LRP1B: variants seen among roughly 807,000 people sequenced by gnomAD.
The protein encoded by LRP1B is low-density lipoprotein receptor-related protein 1B.
LRP1B carries 217 observed loss-of-function variants against 556.6 expected under a neutral mutation model. The observed-to-expected ratio is 0.39, with a 90% CI of 0.35 to 0.44. The LOEUF (loss-of-function observed/expected upper bound fraction) is 0.44. LRP1B is among the 20% of genes least tolerant of loss of function. LRP1B has a pLI of 1.00. For missense variants in LRP1B, 5,053 were observed against 5,620.8 expected, an observed-to-expected ratio of 0.90 and a Z score of 3.23; for synonymous variants, 2,047 against 1,865.8, an observed-to-expected ratio of 1.10 and a Z score of -2.50.
intron 18 of LRP1B, among the ~76,000 whole-genome samples, chr2:140,953,947 C>T (rs1695796190): frequency 6.6e-6 from 1 of 152,168 alleles, no homozygotes; most frequent in Non-Finnish European, 1.5e-5. Context: ...CATGAATGTA[C>T]CTAAACCGTT....
intron 41 of LRP1B, among the ~76,000 whole-genome samples, chr2:140,601,918 G>A (rs1682688267): frequency 6.6e-6 from 1 of 152,092 alleles, no homozygotes; most frequent in South Asian, 2.1e-4. Flanking sequence ...GGAAAATGGT[G>A]GCTCTCTTTC....
chr2:140,943,386 TTC>T lies in LRP1B; in HGVS notation c.3136+6847_3136+6848del, dbSNP rs772484718. ...TGAAGGCAGAAAATTAACAAATGAA[TTC>T]TGTTACTCAATTAAATGCAGCACTC... is the stretch of plus-strand genomic sequence containing the variant. On this transcript the variant is annotated intron_variant, in intron 20 of 90. Transcript: ENST00000389484. 7.6e-4 allele frequency among the ~76,000 whole-genome samples: 116 copies of T among 152,118 alleles called. 1 individual carries two copies. Among genetic ancestry groups the T allele is most frequent in the Middle Eastern group, 3.4e-3 (1 of 294 alleles).
At chr2:141,909,178 TATGTAG>T (rs1244494766) in intron 1 of LRP1B, among the ~76,000 whole-genome samples, 3 of 152,070 alleles carry the variant, frequency 2.0e-5, no homozygotes, top group Non-Finnish European at 4.4e-5. Flanking sequence ...ACTTGTTCCA[TATGTAG>T]ATGTGCTAAA....
intron 27 of LRP1B, among the ~76,000 whole-genome samples, chr2:140,862,610 C>T (rs1692831529): frequency 6.6e-6 from 1 of 152,208 alleles, no homozygotes; most frequent in African/African-American, 2.4e-5. Flanking sequence ...TCATCAGAGA[C>T]CATTTCACCT....
chr2:140,693,437 C>A (rs530814825), intron 41 of LRP1B, among the ~76,000 whole-genome samples: 1 of 151,962 alleles, frequency 6.6e-6, no homozygotes, highest in Non-Finnish European at 1.5e-5. Context: ...CCCACCTCAG[C>A]CTTCGAAGGA....
chr2:141,542,298 G>A (rs1372122876), intron 2 of LRP1B, among the ~76,000 whole-genome samples: 1 of 151,710 alleles, frequency 6.6e-6, no homozygotes, highest in East Asian at 1.9e-4. Context: ...AAAAGAATTA[G>A]GGCAGATTTT....
chr2:141,177,389 C>T (rs1250932374), intron 7 of LRP1B, among the ~76,000 whole-genome samples: 1 of 152,010 alleles, frequency 6.6e-6, no homozygotes, highest in African/African-American at 2.4e-5. Flanking sequence ...AAAACTAAAC[C>T]ATCTAACATT....
intron 41 of LRP1B, among the ~76,000 whole-genome samples, chr2:140,648,141 G>A (rs2105314253): frequency 6.6e-6 from 1 of 152,290 alleles, no homozygotes; most frequent in South Asian, 2.1e-4. Context: ...CCTTTGTAGG[G>A]ACATGGATGA....
At chr2:140,549,633 GT>G (rs1275217214) in intron 43 of LRP1B, among the ~76,000 whole-genome samples, 1 of 152,168 alleles carries the variant, frequency 6.6e-6, no homozygotes, top group African/African-American at 2.4e-5. Context: ...TTTATGTTTT[GT>G]TTTCCCTACT....
rs985791125 is a variant in LRP1B, at chr2:141,782,503, G to C, written c.205+27776C>G. ...TGGTTTGTAACACATTTCTTTGCATGTTCTATTTTCCTTTTTTTTTTTTTT... is the reference window on the plus strand; with the variant it reads ...TGGTTTGTAACACATTTCTTTGCATCTTCTATTTTCCTTTTTTTTTTTTTT... On this transcript the variant is annotated intron_variant, in intron 2 of 90. Coordinates refer to ENST00000389484, the MANE Select transcript of LRP1B (RefSeq NM_018557.3). Among the ~76,000 whole-genome samples, 5 of 112,318 alleles carry C rather than the reference G, an allele frequency of 4.5e-5. No homozygotes were observed. In the South Asian group the frequency reaches 1.4e-3, roughly 32 times the overall value. The allele number at this position is 112,318 out of a possible 152,430, so 73.7% of individuals were successfully genotyped here.
At chr2:141,157,071 A>G (rs1702085235) in intron 7 of LRP1B, among the ~76,000 whole-genome samples, 1 of 152,112 alleles carries the variant, frequency 6.6e-6, no homozygotes, top group Non-Finnish European at 1.5e-5. Context: ...TGTATTATGT[A>G]TCTATTAAAA....
At chr2:141,734,061 G>A (rs185093537) in intron 2 of LRP1B, among the ~76,000 whole-genome samples, 1 of 152,080 alleles carries the variant, frequency 6.6e-6, no homozygotes, top group East Asian at 1.9e-4. Context: ...TTTGTTGACT[G>A]ATTAAATAAC....
intron 3 of LRP1B, among the ~76,000 whole-genome samples, chr2:141,413,281 G>C (rs969057079): frequency 2.6e-5 from 4 of 152,174 alleles, no homozygotes; most frequent in Non-Finnish European, 5.9e-5. Context: ...GGATTATCCA[G>C]ATTGGGCTTT....
intron 43 of LRP1B, among the ~76,000 whole-genome samples, chr2:140,553,010 T>G (rs867187718): frequency 4.1e-4 from 63 of 152,228 alleles, no homozygotes; most frequent in African/African-American, 1.4e-3. Flanking sequence ...TTCAGTTTCA[T>G]AAACCAGACA....
intron 2 of LRP1B, among the ~76,000 whole-genome samples, chr2:141,725,890 C>T (rs188613428): frequency 6.6e-6 from 1 of 151,594 alleles, no homozygotes; most frequent in Admixed American, 6.6e-5. Context: ...TGTTTCCACC[C>T]TGTAATAAGA....
intron 41 of LRP1B, among the ~76,000 whole-genome samples, chr2:140,668,167 C>T (rs530120764): frequency 5.9e-5 from 9 of 151,722 alleles, no homozygotes; most frequent in Admixed American, 4.6e-4. Context: ...AAAAATTAGC[C>T]GGGTGTGGCG....
rs139646137 is a variant in LRP1B at position 140,965,121 on chromosome 2, A to G, written c.2888-13181T>C. 3.6e-3 allele frequency among the ~76,000 whole-genome samples: 548 copies of G among 152,324 alleles called. 3 individuals are homozygous for G. Among genetic ancestry groups the G allele is most frequent in the Middle Eastern group, 0.01 (3 of 294 alleles). ...TACCCATGCCTGAGCCTCCATTATA[A>G]TTTAATTGGCAATATAGGGCATATT... On this transcript the variant is annotated intron_variant, in intron 18 of 90. Coordinates refer to ENST00000389484, the MANE Select transcript of LRP1B (RefSeq NM_018557.3).
chr2:141,941,044 T>C (rs1184755466), intron 1 of LRP1B, among the ~76,000 whole-genome samples: 1 of 152,224 alleles, frequency 6.6e-6, no homozygotes, highest in African/African-American at 2.4e-5. Context: ...CATGACTGAT[T>C]TCTGTAAACA....
chr2:140,346,728 ATGTT>A (rs1271227646), intron 77 of LRP1B, among the ~76,000 whole-genome samples: 2 of 151,862 alleles, frequency 1.3e-5, no homozygotes, highest in African/African-American at 2.4e-5. Flanking sequence ...GTGTGTGTGT[ATGTT>A]TGTGATACAG....
Sources: gnomAD v4.1 joint callset for allele counts (sites outside exome capture counted in the v4.1 genomes callset) on GRCh38, gnomAD v4.1.1 for gene constraint, MANE v1.5 for transcripts, NCBI Gene and HGNC (gene_info 2026-07-23, HGNC 2026-07-21) for gene names.